Variants in CFAP299 observed in about 807,000 individuals in gnomAD.
CFAP299 encodes cilia- and flagella-associated protein 299.
A neutral mutation model predicts 27.0 loss-of-function variants in CFAP299; 21 were observed. That is an observed-to-expected ratio of 0.78 (90% CI 0.55 to 1.12). The LOEUF (loss-of-function observed/expected upper bound fraction) is 1.12, where lower values mean the gene tolerates loss of function less well. Ranked by LOEUF, CFAP299 falls within the 50% of genes most tolerant of loss-of-function variation. The pLI, the probability that CFAP299 is intolerant of heterozygous loss-of-function variation, is 0.00. For synonymous variants in CFAP299, 104 were observed against 98.1 expected (o/e 1.06, Z -0.36); for missense variants, 310 against 276.6 (o/e 1.12, Z -0.86).
At chr4:80,360,650 T>G (rs1044685584) in intron 1 of CFAP299, among the ~76,000 whole-genome samples, 4 of 152,222 alleles carry the variant, frequency 2.6e-5, no homozygotes, top group African/African-American at 9.6e-5. Flanking sequence ...AGTTGATAGG[T>G]AAGTGGCCAG....
chr4:80,482,592 C>A (rs1193262379), intron 2 of CFAP299, among the ~76,000 whole-genome samples: 1 of 152,056 alleles, frequency 6.6e-6, no homozygotes, highest in Non-Finnish European at 1.5e-5. Context: ...GAAGAGGTAG[C>A]ATTACTATAT....
In CFAP299 at chr4:80,443,322, C is replaced by CGA. The variant is rs1249729599; in HGVS notation, c.242+80438_242+80439insGA. On this transcript the variant is annotated intron_variant, in intron 2 of 5. Coordinates refer to ENST00000358105, the MANE Select transcript of CFAP299 (RefSeq NM_152770.3). The stretch of plus-strand genomic sequence containing the variant: ...CCGAATCCAGCAGCACATCAAAAAG[C>CGA]TTATCCACCATGATCAAGTCACCTT... 2.0e-5 allele frequency among the ~76,000 whole-genome samples: 3 copies of CGA among 152,180 alleles called. No individual in the cohort carries two copies. In the East Asian group the frequency reaches 5.8e-4, roughly 29 times the overall value.
At chr4:80,527,302 T>A (rs1020953230) in intron 2 of CFAP299, among the ~76,000 whole-genome samples, 2 of 150,670 alleles carry the variant, frequency 1.3e-5, no homozygotes, top group South Asian at 2.1e-4. Flanking sequence ...AGGTTTTTTT[T>A]TAAATAATAA....
At chr4:80,628,223 A>C (rs1003870581) in intron 3 of CFAP299, among the ~76,000 whole-genome samples, 1 of 152,124 alleles carries the variant, frequency 6.6e-6, no homozygotes, top group Non-Finnish European at 1.5e-5. Flanking sequence ...TCAAGAGCAC[A>C]CAATAGGAAA....
Position 80,803,687 on chromosome 4 carries a change from A to G in CFAP299, c.334-66306A>G, listed in dbSNP as rs147622653. Among the ~76,000 whole-genome samples the G allele has an allele frequency of 9.3e-3, 1,399 of 150,176 alleles. 18 individuals are homozygous for G. The highest frequency in any genetic ancestry group is 0.06 in the South Asian group (286 of 4,806). ...AAAAGCTAGTAAAATTAATTTTATT[A>G]TTTAATATACAGAATATACTACATT... On this transcript the variant is annotated intron_variant, in intron 3 of 5. Transcript: ENST00000358105.
At chr4:80,731,218 T>TA (rs1723501330) in intron 3 of CFAP299, among the ~76,000 whole-genome samples, 1 of 152,174 alleles carries the variant, frequency 6.6e-6, no homozygotes, top group Admixed American at 6.5e-5. Context: ...ATGAAAATTT[T>TA]AAAATGCCAT....
intron 4 of CFAP299, among the ~76,000 whole-genome samples, chr4:80,943,343 A>G (rs1011735142): frequency 6.6e-6 from 1 of 152,168 alleles, no homozygotes; most frequent in African/African-American, 2.4e-5. Context: ...TTTGAGAGTA[A>G]ACATTGCACT....
chr4:80,820,534 G>A (rs568971043), intron 3 of CFAP299, among the ~76,000 whole-genome samples: 2 of 152,228 alleles, frequency 1.3e-5, no homozygotes, highest in African/African-American at 4.8e-5. Context: ...GGAGCGTAGT[G>A]GGGCAGGGGA....
At chr4:80,944,992 C>A (rs1737400392) in intron 5 of CFAP299, 53 bp downstream of exon 5, 20 of 1,507,668 alleles carry the variant, frequency 1.3e-5, no homozygotes, top group Non-Finnish European at 1.7e-5. Context: ...TATTGTATTT[C>A]TGCCACTATT....
rs192507982 is a variant in CFAP299 at position 80,642,564 on chromosome 4, G to A, written c.333+59381G>A. Among the ~76,000 whole-genome samples the A allele has an allele frequency of 1.2e-4, 19 of 152,222 alleles. No individual in the cohort carries two copies. In the East Asian group the frequency reaches 3.7e-3, roughly 30 times the overall value. ...GTGGATCAGGAGGTCAAGAGATTGAGACAATACTGGCCAACATGTTGAAAC... is the reference window on the plus strand; with the variant it reads ...GTGGATCAGGAGGTCAAGAGATTGAAACAATACTGGCCAACATGTTGAAAC... On this transcript the variant is annotated intron_variant, in intron 3 of 5. Transcript: ENST00000358105.
At chr4:80,451,251 G>C (rs7678123) in intron 2 of CFAP299, among the ~76,000 whole-genome samples, 61,628 of 152,010 alleles carry the variant, frequency 0.41, 14,991 homozygotes, top group African/African-American at 0.68. Flanking sequence ...CAAGCACATA[G>C]CTGATATCTC....
chr4:80,745,654 A>G (rs1417175664), intron 3 of CFAP299, among the ~76,000 whole-genome samples: 1 of 152,052 alleles, frequency 6.6e-6, no homozygotes, highest in African/African-American at 2.4e-5. Context: ...AATATGATAC[A>G]TTTGTCAGAA....
chr4:80,719,201 C>T (rs1027464288), intron 3 of CFAP299, among the ~76,000 whole-genome samples: 1 of 151,984 alleles, frequency 6.6e-6, no homozygotes, highest in East Asian at 1.9e-4. Flanking sequence ...AAGTTTAGTA[C>T]CTGGGTGATG....
At chr4:80,909,006 T>A (rs565670964) in intron 4 of CFAP299, among the ~76,000 whole-genome samples, 1 of 152,272 alleles carries the variant, frequency 6.6e-6, no homozygotes, top group South Asian at 2.1e-4. Flanking sequence ...AGATTTTGCC[T>A]CCAAACCTGT....
At chr4:80,606,021 A>G (rs923589774) in intron 3 of CFAP299, among the ~76,000 whole-genome samples, 1 of 152,108 alleles carries the variant, frequency 6.6e-6, no homozygotes, top group Non-Finnish European at 1.5e-5. Context: ...TTGCATTCCT[A>G]TGAGAGGCCA....
chr4:80,911,526 A>G (rs1429505561), intron 4 of CFAP299, among the ~76,000 whole-genome samples: 3 of 152,190 alleles, frequency 2.0e-5, no homozygotes, highest in Admixed American at 1.3e-4. Context: ...TTTTTATGCC[A>G]TTATTTGTCT....
intron 3 of CFAP299, among the ~76,000 whole-genome samples, chr4:80,804,896 G>T (rs1378905739): frequency 1.3e-5 from 2 of 151,992 alleles, no homozygotes; most frequent in Non-Finnish European, 2.9e-5. Flanking sequence ...AGGAGAGACT[G>T]GTGTCATTTT....
intron 3 of CFAP299, among the ~76,000 whole-genome samples, chr4:80,751,738 C>G (rs6829601): frequency 2.0e-5 from 3 of 152,206 alleles, no homozygotes; most frequent in African/African-American, 4.8e-5. Context: ...CCCCCTCCCC[C>G]ACCCACTGCC....
At chr4:80,458,067 A>G (rs1209203941) in intron 2 of CFAP299, among the ~76,000 whole-genome samples, 1 of 152,122 alleles carries the variant, frequency 6.6e-6, no homozygotes, top group Non-Finnish European at 1.5e-5. Flanking sequence ...TGATTCTCAC[A>G]GCTCTGAATG....
Sources: allele counts gnomAD v4.1 joint callset (sites outside exome capture counted in the v4.1 genomes callset), GRCh38; gene constraint gnomAD v4.1.1; transcripts MANE v1.5; gene names NCBI Gene and HGNC (gene_info 2026-07-23, HGNC 2026-07-21).